Variants in FBXO36 observed in about 807,000 individuals in gnomAD.
The protein encoded by FBXO36 is F-box protein 36, also known as F-box only protein 36.
Under a neutral mutation model 17.0 loss-of-function variants are expected in FBXO36, and 18 were observed. The observed-to-expected ratio is 1.06, with a 90% CI of 0.73 to 1.57. The LOEUF (loss-of-function observed/expected upper bound fraction) is 1.57. Ranked by LOEUF, FBXO36 falls within the 40% of genes most tolerant of loss-of-function variation. FBXO36 has a pLI of 0.00. For missense variants in FBXO36, 229 were observed against 221.9 expected (o/e 1.03, Z -0.20); for synonymous variants, 83 against 85.3 (o/e 0.97, Z 0.15).
At chr2:229,929,565 CAAAAAAA>C (rs909062802) in intron 1 of FBXO36, among the ~76,000 whole-genome samples, 2 of 142,440 alleles carry the variant, frequency 1.4e-5, no homozygotes, top group Non-Finnish European at 3.1e-5. Flanking sequence ...GACTCTGTTT[CAAAAAAA>C]AAAGAAAAAG....
chr2:229,928,156 G>GA, intron 1 of FBXO36, among the ~76,000 whole-genome samples: 1 of 152,312 alleles, frequency 6.6e-6, no homozygotes, highest in East Asian at 1.9e-4. Flanking sequence ...ATTTTTCCAT[G>GA]AGAGGAAATG....
intron 1 of FBXO36, among the ~76,000 whole-genome samples, chr2:229,943,967 C>A (rs1453123940): frequency 6.6e-6 from 1 of 152,090 alleles, no homozygotes; most frequent in Non-Finnish European, 1.5e-5. Context: ...CTCATGAGAT[C>A]TGGTTGTTTA....
chr2:230,004,368 A>G (rs1469252685), intron 3 of FBXO36, among the ~76,000 whole-genome samples: 4 of 152,196 alleles, frequency 2.6e-5, no homozygotes, highest in East Asian at 1.9e-4. Context: ...GAATGCTTCC[A>G]TATCAATTTT....
At position 229,958,257 on chromosome 2, in the gene FBXO36, C is replaced by CTTTTTTTT. The variant is rs1161188534; in HGVS notation, c.97-17964_97-17957dup. 4.4e-4 allele frequency among the ~76,000 whole-genome samples: 35 copies of CTTTTTTTT among 78,696 alleles called. 2 individuals are homozygous for CTTTTTTTT. Among genetic ancestry groups the CTTTTTTTT allele is most frequent in the East Asian group, 7.0e-4 (2 of 2,866 alleles). 51.6% of individuals were successfully genotyped at this position (78,696 alleles called of 152,430 possible). A position where few individuals can be genotyped will look rare whatever the true frequency, so the allele number is the denominator to read the frequency against. ...ATTGTTTACAGAGAGCTCTGACTTT[C>CTTTTTTTT]TTTTTTTTTTTTTTTTTTTTTTTTT... is the stretch of plus-strand genomic sequence containing the variant. On this transcript the variant is annotated intron_variant, in intron 1 of 3. Coordinates refer to ENST00000283946, the MANE Select transcript of FBXO36 (RefSeq NM_174899.5).
At chr2:229,963,786 T>C (rs1363069510) in intron 1 of FBXO36, among the ~76,000 whole-genome samples, 2 of 152,224 alleles carry the variant, frequency 1.3e-5, no homozygotes, top group South Asian at 4.1e-4. Context: ...GTCTGTAGTA[T>C]GTAATCCTAT....
intron 3 of FBXO36, among the ~76,000 whole-genome samples, chr2:230,001,887 T>C (rs2077360977): frequency 6.6e-6 from 1 of 152,106 alleles, no homozygotes; most frequent in Non-Finnish European, 1.5e-5. Context: ...GCATGATCTC[T>C]GCTAACTGCA....
intron 2 of FBXO36, among the ~76,000 whole-genome samples, chr2:229,984,023 A>G (rs553611281): frequency 3.3e-5 from 5 of 152,284 alleles, no homozygotes; most frequent in African/African-American, 1.2e-4. Context: ...TTGTATTTGA[A>G]TTCTTTCTGT....
At chr2:229,993,621 T>C (rs1403687525) in intron 2 of FBXO36, among the ~76,000 whole-genome samples, 1 of 152,178 alleles carries the variant, frequency 6.6e-6, no homozygotes, top group Non-Finnish European at 1.5e-5. Flanking sequence ...ATACTTTTTT[T>C]AATTTCAAAA....
chr2:229,964,812 C>T (rs1432426471), intron 1 of FBXO36, among the ~76,000 whole-genome samples: 1 of 152,228 alleles, frequency 6.6e-6, no homozygotes, highest in Non-Finnish European at 1.5e-5. Flanking sequence ...AGCCACCGCG[C>T]CCGGTGCGTG....
At chr2:229,981,251 G>T (rs1553809230) in intron 2 of FBXO36, among the ~76,000 whole-genome samples, 1 of 152,156 alleles carries the variant, frequency 6.6e-6, no homozygotes, top group Non-Finnish European at 1.5e-5. Context: ...CTACTTGGGA[G>T]GCTGAAGTGA....
At chr2:229,928,104 A>T (rs1577324204) in intron 1 of FBXO36, among the ~76,000 whole-genome samples, 2 of 152,352 alleles carry the variant, frequency 1.3e-5, no homozygotes, top group Non-Finnish European at 2.9e-5. Flanking sequence ...GCACAAGGAT[A>T]TGTGAGCAAG....
At chr2:229,984,473 G>GCTC (rs1223876738) in intron 2 of FBXO36, among the ~76,000 whole-genome samples, 35,789 of 150,022 alleles carry the variant, frequency 0.24, 4,529 homozygotes, top group South Asian at 0.29. Flanking sequence ...TCACTGCAAC[G>GCTC]CCGCTCCCGG....
intron 1 of FBXO36, among the ~76,000 whole-genome samples, chr2:229,962,802 C>T (rs559139227): frequency 4.6e-5 from 7 of 150,538 alleles, no homozygotes; most frequent in Admixed American, 2.0e-4. Context: ...CTCAGACTTC[C>T]GAGTAGCTGG....
intron 3 of FBXO36, among the ~76,000 whole-genome samples, chr2:230,001,691 T>A (rs1196860117): frequency 6.6e-6 from 1 of 152,240 alleles, no homozygotes; most frequent in Non-Finnish European, 1.5e-5. Flanking sequence ...CCAGTCCAGC[T>A]CCTTCCTCTT....
intron 1 of FBXO36, among the ~76,000 whole-genome samples, chr2:229,935,327 AC>A (rs138873589): frequency 2.0e-5 from 3 of 152,258 alleles, no homozygotes; most frequent in African/African-American, 7.2e-5. Context: ...TTGACAGTTC[AC>A]AAAAACACAC....
At chr2:229,945,224 T>C (rs976665382) in intron 1 of FBXO36, 1 of 152,144 alleles carries the variant, frequency 6.6e-6, no homozygotes, top group Non-Finnish European at 1.5e-5. Context: ...ATGATAGTTA[T>C]GAATATACCA....
rs530821668 is a variant in FBXO36, at chr2:229,957,208, C to A, written c.97-19033C>A. 2.3e-4 allele frequency among the ~76,000 whole-genome samples: 35 copies of A among 152,280 alleles called. 1 individual carries two copies. The South Asian group carries it at 6.8e-3, about 30-fold the overall frequency. ...GGGCATAGATGCAGGCATCCCGCAG[C>A]AGGAAGAAAGGAAGCCACACAGTAA... On this transcript the variant is annotated intron_variant, in intron 1 of 3. Transcript: ENST00000283946.
chr2:229,967,150 G>A (rs2106187354), intron 1 of FBXO36, among the ~76,000 whole-genome samples: 1 of 152,308 alleles, frequency 6.6e-6, no homozygotes, highest in African/African-American at 2.4e-5. Flanking sequence ...TTGTGAATGG[G>A]CGTTCACCCA....
At position 229,941,053 on chromosome 2, in the gene FBXO36, T is replaced by G. The variant is rs1444318654; in HGVS notation, c.96+18444T>G. The stretch of plus-strand genomic sequence containing the variant: ...GGCACAATCCCCCTGGCCTACTGCT[T>G]GCCACTGGACCAAAGATAGACACCT... On this transcript the variant is annotated intron_variant, in intron 1 of 3. Coordinates refer to ENST00000283946, the MANE Select transcript of FBXO36 (RefSeq NM_174899.5). Among the ~76,000 whole-genome samples the G allele has an allele frequency of 1.3e-5, 2 of 152,104 alleles. 1 individual carries two copies. The highest frequency in any genetic ancestry group is 2.9e-5 in the Non-Finnish European group (2 of 67,998).
Sources: gnomAD v4.1 joint callset for allele counts (sites outside exome capture counted in the v4.1 genomes callset) on GRCh38, gnomAD v4.1.1 for gene constraint, MANE v1.5 for transcripts, NCBI Gene and HGNC (gene_info 2026-07-23, HGNC 2026-07-21) for gene names.